The following CCDC88A variants were observed in gnomAD, a reference collection of about 807,000 sequenced individuals.
The protein encoded by CCDC88A is coiled-coil and HOOK domain protein 88A.
Under a neutral mutation model 234.3 loss-of-function variants are expected in CCDC88A, and 54 were observed. The ratio of observed to expected loss-of-function variants is 0.23; its 90% CI spans 0.19 to 0.29. The LOEUF is 0.29. Among genes scored for constraint, CCDC88A ranks in the 10% least tolerant of loss-of-function variants. The pLI, the probability that CCDC88A is intolerant of heterozygous loss-of-function variation, is 1.00. For synonymous variants in CCDC88A, 753 were observed against 737.8 expected (o/e 1.02, Z -0.33); for missense variants, 1,832 against 2,123.4 (o/e 0.86, Z 2.70).
At position 55,328,784 on chromosome 2, in the gene CCDC88A, TTTTGA is replaced by T. The variant is rs1684570129; in HGVS notation, c.2856-354_2856-350del. On this transcript the variant is annotated intron_variant, in intron 16 of 32. Coordinates refer to ENST00000436346, the MANE Select transcript of CCDC88A (RefSeq NM_001365480.1). This position sits in a 1 kb window ranked among gnomAD's most constrained non-coding sequence, Gnocchi z 4.3. ...TTTTGTTTTGTTTTGTTTTGTTTTG[TTTTGA>T]GATGGAGTTTTGCTCTTGTAGCCCA... 6.5e-6 allele frequency: 1 copy of T among 154,202 alleles called. No homozygotes were observed. The highest frequency in any genetic ancestry group is 6.8e-5 in the Admixed American group (1 of 14,712). 9.6% of individuals were successfully genotyped at this position (154,202 alleles called of 1,614,324 possible).
At chr2:55,378,395 T>C (rs1329927116) in intron 3 of CCDC88A, among the ~76,000 whole-genome samples, 1 of 152,234 alleles carries the variant, frequency 6.6e-6, no homozygotes, top group Non-Finnish European at 1.5e-5. Context: ...AAATGTACTC[T>C]AGTATAGTAG....
At chr2:55,303,234 G>A (rs1681106146) in intron 25 of CCDC88A, 82 bp from the exon 26 acceptor site, 1 of 809,618 alleles carries the variant, frequency 1.2e-6, no homozygotes, top group African/African-American at 1.7e-5. Context: ...GTTAAATGTT[G>A]AAATTAAGGA....
At chr2:55,382,715 C>T (rs12617891) in intron 3 of CCDC88A, among the ~76,000 whole-genome samples, 130,768 of 152,168 alleles carry the variant, frequency 0.86, 56,634 homozygotes, top group Admixed American at 0.93. Context: ...GTGTTTGCTA[C>T]GGATCAAGTG....
chr2:55,328,503 G>A lies in CCDC88A; in HGVS notation c.2856-68C>T, dbSNP rs1574126928. On this transcript the variant is annotated intron_variant, in intron 16 of 32. Transcript: ENST00000436346. The surrounding 1 kb of genome is among the most constrained non-coding windows in gnomAD (Gnocchi z 4.3). Reference sequence around the variant, plus strand: ...AAAATTATTTTTAAAGATAATTTATGACCACAAATATTCATGCCATAAATG... The same window carrying A: ...AAAATTATTTTTAAAGATAATTTATAACCACAAATATTCATGCCATAAATG... 3 of 1,144,660 alleles carry A rather than the reference G, an allele frequency of 2.6e-6. No homozygotes were observed. Among genetic ancestry groups the A allele is most frequent in the East Asian group, 2.7e-5 (1 of 36,788 alleles). The allele number at this position is 1,144,660 out of a possible 1,614,324, so 70.9% of individuals were successfully genotyped here.
At chr2:55,321,842 A>G (rs1423257612) in intron 18 of CCDC88A, among the ~76,000 whole-genome samples, 1 of 151,812 alleles carries the variant, frequency 6.6e-6, no homozygotes, top group Non-Finnish European at 1.5e-5. Flanking sequence ...TTTGAATGAG[A>G]AAGTAGAAAT....
intron 29 of CCDC88A, among the ~76,000 whole-genome samples, chr2:55,297,347 T>G (rs1216774120): frequency 9.5e-6 from 1 of 105,818 alleles, no homozygotes; most frequent in Non-Finnish European, 1.7e-5. Context: ...AATTTATATA[T>G]TATATATAAA....
chr2:55,345,989 A>C, intron 10 of CCDC88A, 186 bp downstream of exon 10: 1 of 453,398 alleles, frequency 2.2e-6, no homozygotes, highest in Non-Finnish European at 3.9e-6. Context: ...AGTAATATCC[A>C]TAGATCCCTT....
At position 55,312,502 on chromosome 2, in the gene CCDC88A, C is replaced by G; in HGVS notation, c.4011G>C (p.Gln1337His). 2 of 1,611,528 alleles carry G rather than the reference C, an allele frequency of 1.2e-6. No homozygotes were observed. Among genetic ancestry groups the G allele is most frequent in the Non-Finnish European group, 1.7e-6 (2 of 1,179,132 alleles). ...TATTCTGCTCCAAAAGTGTTCTGTT[C>G]TGTAGCATTAATGTCTGAATTTGAT... ...LLDQIQTLMLQNRTLLEQNME... is the reference protein window; with the variant it reads ...LLDQIQTLMLHNRTLLEQNME... Residue 1337 changes from glutamine to histidine, a missense_variant, in exon 23 of 33, where the codon CAG (glutamine) becomes CAC (histidine). Physicochemically the swap from Gln to His is conservative, Grantham distance 24. This residue lies in a region of CCDC88A where 1,282 missense variants were observed against 1,543.6 expected (regional missense o/e 0.83). Coordinates refer to ENST00000436346, the MANE Select transcript of CCDC88A (RefSeq NM_001365480.1).
Position 55,317,659 on chromosome 2 carries a change from A to G in CCDC88A, c.3507T>C (p.Arg1169=). 6.2e-7 allele frequency: 1 copy of G among 1,613,446 alleles called. No homozygotes were observed. The highest frequency in any genetic ancestry group is 1.3e-5 in the African/African-American group (1 of 75,016). The change falls in exon 20 of 33, where the codon CGT becomes CGC. Residue 1169 remains arginine, a synonymous_variant. Transcript: ENST00000436346. The surrounding 1 kb of genome is among the most constrained non-coding windows in gnomAD (Gnocchi z 4.2). The stretch of plus-strand genomic sequence containing the variant: ...TAAGAGATTCATACTCTGAAGCCTG[A>G]CGTTCATGAAGAAGTTCCAGCTTTT... ...DHEKLELLHE[R]QASEYESLIS...
chr2:55,372,605 A>C, intron 4 of CCDC88A, 95 bp from the exon 5 acceptor site: 1 of 619,544 alleles, frequency 1.6e-6, no homozygotes, highest in Non-Finnish European at 2.9e-6. Flanking sequence ...ATGCACAGTA[A>C]CTTGAGTGAA....
At chr2:55,366,444 T>G (rs1225009847) in intron 5 of CCDC88A, among the ~76,000 whole-genome samples, 2 of 151,648 alleles carry the variant, frequency 1.3e-5, no homozygotes, top group African/African-American at 2.4e-5. Flanking sequence ...GAAGAATTGC[T>G]TGAACCCAGG....
intron 26 of CCDC88A, 84 bp from the exon 27 acceptor site, chr2:55,302,156 T>A: frequency 9.2e-7 from 1 of 1,084,180 alleles, no homozygotes; most frequent in South Asian, 1.4e-5. Context: ...TACTGTGGTT[T>A]TTGTCTATGA....
intron 31 of CCDC88A, chr2:55,295,073 A>G: frequency 7.7e-7 from 1 of 1,298,892 alleles, no homozygotes; most frequent in Non-Finnish European, 1.0e-6. Flanking sequence ...ATCATATACA[A>G]CCATATTCAT....
chr2:55,419,134 T>C lies in CCDC88A; in HGVS notation c.-55A>G, dbSNP rs1558865787. On this transcript the variant is annotated 5_prime_UTR_variant, in exon 1 of 33. Transcript: ENST00000436346. ...CTACCACAAAAATACGCCTAGGGAA[T>C]TGGTCACTAAACGTGGAAGTAAGTA... is the stretch of plus-strand genomic sequence containing the variant. 1.9e-6 allele frequency: 2 copies of C among 1,049,426 alleles called. No homozygotes were observed. The highest frequency in any genetic ancestry group is 1.9e-5 in the Admixed American group (1 of 53,600). The allele number at this position is 1,049,426 out of a possible 1,614,324, so 65.0% of individuals were successfully genotyped here.
intron 3 of CCDC88A, among the ~76,000 whole-genome samples, chr2:55,378,117 T>C (rs1410957095): frequency 2.6e-5 from 4 of 152,198 alleles, no homozygotes; most frequent in African/African-American, 9.7e-5. Context: ...AGCAAAATTG[T>C]CCCAATGGAT....
chr2:55,293,598 A>G (rs1255813832), intron 31 of CCDC88A: 3 of 151,932 alleles, frequency 2.0e-5, no homozygotes, highest in Non-Finnish European at 2.9e-5. Context: ...TGGTCCAGTT[A>G]ATAACCACTT....
Position 55,419,839 on chromosome 2 carries a change from T to A in CCDC88A, c.-760A>T, listed in dbSNP as rs370031562. On this transcript the variant is annotated 5_prime_UTR_variant, in exon 1 of 33. Coordinates refer to ENST00000436346, the MANE Select transcript of CCDC88A (RefSeq NM_001365480.1). ...GCGCTCCAGCCTTCTCCGCCCTCTA[T>A]GGAGAAGCCGGAGTAACGGCCTCAG... 1 of 152,058 alleles carries A rather than the reference T, an allele frequency of 6.6e-6. No individual in the cohort carries two copies. Among genetic ancestry groups the A allele is most frequent in the Non-Finnish European group, 1.5e-5 (1 of 68,076 alleles). The allele number at this position is 152,058 out of a possible 1,614,324, so 9.4% of individuals were successfully genotyped here. A position where few individuals can be genotyped will look rare whatever the true frequency, so the allele number is the denominator to read the frequency against.
At chr2:55,312,379 C>A in intron 23 of CCDC88A, 55 bp downstream of exon 23, 1 of 1,509,080 alleles carries the variant, frequency 6.6e-7, no homozygotes, top group South Asian at 1.2e-5. Flanking sequence ...CTGGGTATGG[C>A]AATGATAAAA....
intron 5 of CCDC88A, among the ~76,000 whole-genome samples, chr2:55,366,816 C>T (rs1422523388): frequency 3.3e-5 from 5 of 152,084 alleles, no homozygotes; most frequent in African/African-American, 9.7e-5. Context: ...GCACCCAAAA[C>T]AAGCTATTGA....
Sources: gnomAD v4.1 joint callset for allele counts (sites outside exome capture counted in the v4.1 genomes callset) on GRCh38, gnomAD v4.1.1 for gene constraint, gnomAD v4.1.1 regional missense constraint, Gnocchi (gnomAD v3.1) non-coding constraint, MANE v1.5 for transcripts, NCBI Gene and HGNC (gene_info 2026-07-23, HGNC 2026-07-21) for gene names.